The following LPAR1 variants were observed in gnomAD, a reference collection of about 807,000 sequenced individuals.
The protein encoded by LPAR1 is LPA receptor 1.
A neutral mutation model predicts 23.8 loss-of-function variants in LPAR1; 5 were observed. The observed-to-expected ratio is 0.21, with a 90% confidence interval of 0.11 to 0.44. The LOEUF (loss-of-function observed/expected upper bound fraction) is 0.44, where lower values mean the gene tolerates loss of function less well. Ranked by LOEUF, LPAR1 falls within the 20% of genes least tolerant of loss-of-function variation. LPAR1 has a pLI of 0.99. For missense variants in LPAR1, 311 were observed against 482.8 expected, an observed-to-expected ratio of 0.64 and a Z score of 3.33; for synonymous variants, 160 against 164.7, an observed-to-expected ratio of 0.97 and a Z score of 0.22.
At chr9:110,896,391 G>A (rs10817108) in intron 5 of LPAR1, among the ~76,000 whole-genome samples, 24,925 of 152,034 alleles carry the variant, frequency 0.16, 2,606 homozygotes, top group Admixed American at 0.24. Flanking sequence ...ATCTCTTTAT[G>A]ATGCCTAATT....
intron 2 of LPAR1, among the ~76,000 whole-genome samples, chr9:111,031,728 C>T (rs1425946908): frequency 6.6e-6 from 1 of 152,142 alleles, no homozygotes; most frequent in Non-Finnish European, 1.5e-5. Context: ...GAGATGGAAG[C>T]AAGGCAGGGC....
intron 5 of LPAR1, among the ~76,000 whole-genome samples, chr9:110,885,108 T>C (rs1250363499): frequency 6.6e-6 from 1 of 152,210 alleles, no homozygotes; most frequent in East Asian, 1.9e-4. Context: ...AATGATACTT[T>C]TGCATAGTAA....
chr9:110,979,198 G>C (rs1564233642), intron 2 of LPAR1, among the ~76,000 whole-genome samples: 1 of 151,580 alleles, frequency 6.6e-6, no homozygotes, highest in East Asian at 1.9e-4. Flanking sequence ...TATTGTGCAT[G>C]ATAAATACTT....
intron 2 of LPAR1, among the ~76,000 whole-genome samples, chr9:111,009,998 A>ATAT (rs2097298345): frequency 4.1e-5 from 5 of 123,432 alleles, no homozygotes; most frequent in African/African-American, 9.4e-5. Context: ...TAATTAGGAA[A>ATAT]ATATATATAT....
At position 111,024,775 on chromosome 9, in the gene LPAR1, C is replaced by T. The variant is rs181506556; in HGVS notation, c.-182+11347G>A. 9.2e-4 allele frequency among the ~76,000 whole-genome samples: 140 copies of T among 151,980 alleles called. 1 individual carries two copies. The highest frequency in any genetic ancestry group is 9.2e-3 in the Admixed American group (140 of 15,236). On this transcript the variant is annotated intron_variant, in intron 2 of 5. Coordinates refer to ENST00000683809, the MANE Select transcript of LPAR1 (RefSeq NM_001351411.2). ...CCCATATGTTCTCATTGTTCAACTCCCACTTATGAGTGAGAACATGCAGTG... is the reference window on the plus strand; with the variant it reads ...CCCATATGTTCTCATTGTTCAACTCTCACTTATGAGTGAGAACATGCAGTG...
chr9:110,941,366 T>C lies in LPAR1; in HGVS notation c.793+55A>G. 2.7e-6 allele frequency: 4 copies of C among 1,487,876 alleles called. No individual in the cohort carries two copies. The highest frequency in any genetic ancestry group is 3.6e-6 in the Non-Finnish European group (4 of 1,103,690). The allele number at this position is 1,487,876 out of a possible 1,614,324, so 92.2% of individuals were successfully genotyped here. A position where few individuals can be genotyped will look rare whatever the true frequency, so the allele number is the denominator to read the frequency against. On this transcript the variant is annotated intron_variant, in intron 5 of 5. Transcript: ENST00000683809. The surrounding 1 kb of genome is among the most constrained non-coding windows in gnomAD (Gnocchi z 6.1). ...TTACCTCTGACATAAAATAATGTGG[T>C]TTATGTTAGTCACTGAGAATCTATA...
At chr9:111,010,867 C>T (rs117016925) in intron 2 of LPAR1, among the ~76,000 whole-genome samples, 3,431 of 152,244 alleles carry the variant, frequency 0.023, 45 homozygotes, top group Non-Finnish European at 0.035. Flanking sequence ...GAAAGCATAT[C>T]CCTAAAGAAG....
intron 5 of LPAR1, among the ~76,000 whole-genome samples, chr9:110,905,353 T>TA (rs2090882711): frequency 6.6e-6 from 1 of 151,552 alleles, no homozygotes; most frequent in Non-Finnish European, 1.5e-5. Flanking sequence ...TTTATTATTT[T>TA]TTTTTTTTTG....
At chr9:110,905,087 T>C (rs1270121168) in intron 5 of LPAR1, among the ~76,000 whole-genome samples, 1 of 149,710 alleles carries the variant, frequency 6.7e-6, no homozygotes, top group East Asian at 1.9e-4. Flanking sequence ...TATTTACTGC[T>C]GTTCATTCGG....
intron 2 of LPAR1, among the ~76,000 whole-genome samples, chr9:111,022,925 T>C (rs556824821): frequency 6.6e-6 from 1 of 151,766 alleles, no homozygotes; most frequent in South Asian, 2.1e-4. Context: ...TGGTGGCGGG[T>C]GCCTGTAGTC....
Position 110,914,341 on chromosome 9 carries a change from G to A in LPAR1, c.793+27080C>T, listed in dbSNP as rs182451863. Among the ~76,000 whole-genome samples the A allele has an allele frequency of 1.8e-3, 269 of 152,314 alleles. 1 individual carries two copies. The highest frequency in any genetic ancestry group is 3.1e-3 in the Non-Finnish European group (208 of 68,024). On this transcript the variant is annotated intron_variant, in intron 5 of 5. Transcript: ENST00000683809. ...GGGAGGCCTCACAATCATGGTGGAA[G>A]GCAAAAGGTACATCTTACATGGCGG...
At chr9:110,961,397 G>A (rs190080374) in intron 4 of LPAR1, among the ~76,000 whole-genome samples, 1 of 151,838 alleles carries the variant, frequency 6.6e-6, no homozygotes, top group Admixed American at 6.6e-5. Context: ...GAGACGGGTG[G>A]ATCACCTGAG....
intron 2 of LPAR1, among the ~76,000 whole-genome samples, chr9:110,981,459 A>G (rs1040403745): frequency 3.3e-5 from 5 of 152,014 alleles, no homozygotes; most frequent in Non-Finnish European, 5.9e-5. Flanking sequence ...ACCTGGAGTA[A>G]TACTTATCAT....
intron 2 of LPAR1, among the ~76,000 whole-genome samples, chr9:110,990,580 T>C (rs2096874974): frequency 6.6e-6 from 1 of 151,916 alleles, no homozygotes; most frequent in South Asian, 2.1e-4. Context: ...ATATCAAAAT[T>C]TGTGGGATGT....
intron 5 of LPAR1, among the ~76,000 whole-genome samples, chr9:110,891,343 T>C (rs1432388375): frequency 6.6e-6 from 1 of 152,184 alleles, no homozygotes; most frequent in Non-Finnish European, 1.5e-5. Flanking sequence ...CCTAAATAAA[T>C]GGAACTAGTA....
At chr9:110,966,126 G>A (rs1419012602) in intron 4 of LPAR1, among the ~76,000 whole-genome samples, 1 of 152,100 alleles carries the variant, frequency 6.6e-6, no homozygotes, top group African/African-American at 2.4e-5. Context: ...GGCCTGTCTG[G>A]GAGTGGGGGA....
chr9:110,892,533 G>A (rs142095249), intron 5 of LPAR1, among the ~76,000 whole-genome samples: 2,480 of 152,014 alleles, frequency 0.016, 57 homozygotes, highest in African/African-American at 0.055. Context: ...GCGAGGTGGC[G>A]TGTGCCTGTA....
intron 5 of LPAR1, among the ~76,000 whole-genome samples, chr9:110,910,225 C>A (rs1198481722): frequency 6.6e-6 from 1 of 152,066 alleles, no homozygotes; most frequent in Non-Finnish European, 1.5e-5. Context: ...TGTCTTTAAG[C>A]AGAAGCCAGT....
chr9:110,883,347 T>C (rs1442555826), intron 5 of LPAR1, among the ~76,000 whole-genome samples: 1 of 152,208 alleles, frequency 6.6e-6, no homozygotes, highest in African/African-American at 2.4e-5. Context: ...ATATCTTGAA[T>C]TTTTTAAAGT....
Sources: allele counts gnomAD v4.1 joint callset (sites outside exome capture counted in the v4.1 genomes callset), GRCh38; gene constraint gnomAD v4.1.1; non-coding constraint Gnocchi (gnomAD v3.1); transcripts MANE v1.5; gene names NCBI Gene and HGNC (gene_info 2026-07-23, HGNC 2026-07-21).